Variants in SLC68A1 observed in about 807,000 individuals in gnomAD.
The protein encoded by SLC68A1 is major facilitator superfamily domain containing 13A.
the SLC68A1 span, among the ~76,000 whole-genome samples, chr10:102,472,648 T>A: frequency 6.6e-6 from 1 of 152,234 alleles, no homozygotes; most frequent in Non-Finnish European, 1.5e-5. Context: ...TCTAACTTTT[T>A]AGCAAAGTTA....
chr10:102,470,803 C>T, the SLC68A1 span: 1 of 1,613,972 alleles, frequency 6.2e-7, no homozygotes, highest in Non-Finnish European at 8.5e-7. Flanking sequence ...TCTTGCTGTG[C>T]CTGTGCCTCT....
chr10:102,469,318 A>G, the SLC68A1 span: 115 of 962,960 alleles, frequency 1.2e-4, no homozygotes, highest in South Asian at 1.7e-3. Flanking sequence ...TGGGCAGTCC[A>G]GGTTGTTCAC....
the SLC68A1 span, among the ~76,000 whole-genome samples, chr10:102,464,174 C>T: frequency 6.6e-6 from 1 of 152,188 alleles, no homozygotes; most frequent in African/African-American, 2.4e-5. Flanking sequence ...GATCATGAAA[C>T]CACACGGTGG....
At chr10:102,474,149 A>T in the SLC68A1 span, 1 of 818,576 alleles carries the variant, frequency 1.2e-6, no homozygotes. Flanking sequence ...GGCTAGAGTC[A>T]CTGGGTCACC....
At chr10:102,470,421 T>C in the SLC68A1 span, among the ~76,000 whole-genome samples, 7 of 152,164 alleles carry the variant, frequency 4.6e-5, no homozygotes, top group African/African-American at 1.4e-4. Context: ...GGGCATCCCA[T>C]ACCCTTTGGC....
At chr10:102,472,739 C>T in the SLC68A1 span, 1 of 806,408 alleles carries the variant, frequency 1.2e-6, no homozygotes, top group Admixed American at 1.8e-5. Flanking sequence ...CCTGCTCTCG[C>T]TCTTGCTGCT....
At chr10:102,469,025 C>T in the SLC68A1 span, 1 of 1,610,618 alleles carries the variant, frequency 6.2e-7, no homozygotes, top group East Asian at 2.2e-5. Context: ...GCTGGGGCTG[C>T]AGCCATGGGG....
chr10:102,465,028 G>C, the SLC68A1 span, among the ~76,000 whole-genome samples: 296 of 152,126 alleles, frequency 1.9e-3, 2 homozygotes, highest in African/African-American at 6.6e-3. Flanking sequence ...GCCGAGGCAG[G>C]CGGATCACAA....
chr10:102,471,762 GA>G, the SLC68A1 span, among the ~76,000 whole-genome samples: 70,824 of 144,308 alleles, frequency 0.49, 17,270 homozygotes, highest in Middle Eastern at 0.63. Context: ...CCTTCTCAAA[GA>G]AAAAAAAAAA....
At chr10:102,473,066 T>C in the SLC68A1 span, 1 of 824,032 alleles carries the variant, frequency 1.2e-6, no homozygotes, top group Non-Finnish European at 2.1e-6. Context: ...GACCCAGTGA[T>C]CCACCTGCCT....
At chr10:102,476,040 C>G in the SLC68A1 span, 1 of 919,772 alleles carries the variant, frequency 1.1e-6, no homozygotes, top group South Asian at 2.8e-5. Flanking sequence ...GGGAAGGAGC[C>G]AGTTTTTTTT....
chr10:102,473,641 G>A, the SLC68A1 span: 19 of 1,613,994 alleles, frequency 1.2e-5, no homozygotes, highest in Middle Eastern at 3.3e-4. Context: ...GGGCGTCTAC[G>A]CGGTGGTGCG....
chr10:102,467,752 G>A, the SLC68A1 span, among the ~76,000 whole-genome samples: 1 of 152,100 alleles, frequency 6.6e-6, no homozygotes, highest in Non-Finnish European at 1.5e-5. Context: ...TGCCTCCCGG[G>A]TTCAAGCAAT....
chr10:102,476,000 C>A, the SLC68A1 span: 1 of 1,559,328 alleles, frequency 6.4e-7, no homozygotes, highest in South Asian at 1.1e-5. Flanking sequence ...GTGGCAAGGT[C>A]ACCCCACTGA....
chr10:102,465,451 A>G, the SLC68A1 span, among the ~76,000 whole-genome samples: 1 of 152,072 alleles, frequency 6.6e-6, no homozygotes, highest in Non-Finnish European at 1.5e-5. Flanking sequence ...GCTGCTGTGT[A>G]TTGAGGGTCT....
chr10:102,466,972 A>T, the SLC68A1 span, among the ~76,000 whole-genome samples: 343 of 152,326 alleles, frequency 2.3e-3, 2 homozygotes, highest in African/African-American at 8.0e-3. Flanking sequence ...CATTTTAGGG[A>T]AGGGCTGAGA....
the SLC68A1 span, chr10:102,468,996 C>G: frequency 1.3e-6 from 2 of 1,587,864 alleles, no homozygotes; most frequent in Non-Finnish European, 1.7e-6. Flanking sequence ...GAGCCCTCCC[C>G]GGTGCTCCTG....
the SLC68A1 span, chr10:102,470,864 G>A: frequency 1.8e-5 from 29 of 1,613,262 alleles, no homozygotes; most frequent in South Asian, 4.4e-5. Flanking sequence ...CTTGCTGGCC[G>A]ACCTGGCCCT....
chr10:102,463,415 C>T, the SLC68A1 span, among the ~76,000 whole-genome samples: 1 of 152,114 alleles, frequency 6.6e-6, no homozygotes. Context: ...TCGTGATTCG[C>T]CCGCGTCGGC....
Sources: gnomAD v4.1 joint callset for allele counts (sites outside exome capture counted in the v4.1 genomes callset) on GRCh38, gnomAD v4.1.1 for gene constraint, MANE v1.5 for transcripts, NCBI Gene and HGNC (gene_info 2026-07-23, HGNC 2026-07-21) for gene names.